The following TTLL4 variants were observed in gnomAD, a reference collection of about 807,000 sequenced individuals.
The protein encoded by TTLL4 is tubulin monoglutamylase TTLL4.
In TTLL4, 85 loss-of-function variants were observed where a neutral mutation model predicts 122.7. That is an observed-to-expected ratio of 0.69 (90% CI 0.58 to 0.83). The LOEUF is 0.83. Among genes scored for constraint, TTLL4 ranks in the 40% least tolerant of loss-of-function variants. The probability of loss-of-function intolerance (pLI) is 0.00; values close to 1 mark genes in which losing one functional copy is unlikely to be tolerated. For synonymous variants in TTLL4, 553 were observed against 563.0 expected, an observed-to-expected ratio of 0.98 and a Z score of 0.25; for missense variants, 1,363 against 1,488.6, an observed-to-expected ratio of 0.92 and a Z score of 1.39.
chr2:218,713,777 G>A (rs1464077250), intron 1 of TTLL4, among the ~76,000 whole-genome samples: 1 of 152,190 alleles, frequency 6.6e-6, no homozygotes, highest in African/African-American at 2.4e-5. Flanking sequence ...TGGAGGCAGG[G>A]AGCCAATGAG....
chr2:218,734,291 C>T (rs1208143089), intron 2 of TTLL4, among the ~76,000 whole-genome samples: 1 of 152,146 alleles, frequency 6.6e-6, no homozygotes, highest in African/African-American at 2.4e-5. Flanking sequence ...GGTGCCCAAA[C>T]TAGTATTCAA....
At chr2:218,728,046 C>G (rs1942246773) in intron 2 of TTLL4, 1 of 148,638 alleles carries the variant, frequency 6.7e-6, no homozygotes, top group African/African-American at 2.5e-5. Context: ...TTTTTCAACA[C>G]TAGATGGCAT....
At position 218,737,620 on chromosome 2, in the gene TTLL4, T is replaced by A; in HGVS notation, c.-57T>A. 1 of 1,516,886 alleles carries A rather than the reference T, an allele frequency of 6.6e-7. No homozygotes were observed. The highest frequency in any genetic ancestry group is 8.8e-7 in the Non-Finnish European group (1 of 1,131,142). The allele number at this position is 1,516,886 out of a possible 1,614,324, so 94.0% of individuals were successfully genotyped here. ...GATGCAGCTGCTACTACCGGAGGTG[T>A]GTGGCACCTTACCTCAGCAAGGCCA... On this transcript the variant is annotated 5_prime_UTR_variant, in exon 3 of 20. Coordinates refer to ENST00000392102, the MANE Select transcript of TTLL4 (RefSeq NM_014640.5).
chr2:218,737,588 C>G lies in TTLL4; in HGVS notation c.-89C>G. ...TTTCTCTCCACTTCAGACTGACAGA[C>G]TTCAAGGATGCAGCTGCTACTACCG... On this transcript the variant is annotated 5_prime_UTR_variant, in exon 3 of 20. Transcript: ENST00000392102. 1 of 1,433,528 alleles carries G rather than the reference C, an allele frequency of 7.0e-7. No individual in the cohort carries two copies. Among genetic ancestry groups the G allele is most frequent in the East Asian group, 2.3e-5 (1 of 43,630 alleles). 88.8% of individuals were successfully genotyped at this position (1,433,528 alleles called of 1,614,324 possible).
intron 1 of TTLL4, among the ~76,000 whole-genome samples, chr2:218,716,804 T>A (rs568055178): frequency 1.3e-5 from 2 of 151,770 alleles, no homozygotes; most frequent in East Asian, 3.9e-4. Context: ...AAAAAAAAAA[T>A]TTACACTGTG....
intron 5 of TTLL4, 132 bp downstream of exon 5, chr2:218,740,716 G>A (rs909195963): frequency 7.5e-6 from 8 of 1,063,704 alleles, no homozygotes; most frequent in African/African-American, 6.3e-5. Flanking sequence ...TTATGTTTGC[G>A]ACTTTAGTTT....
chr2:218,712,835 T>C (rs1014130631), intron 1 of TTLL4, among the ~76,000 whole-genome samples: 4 of 152,120 alleles, frequency 2.6e-5, no homozygotes, highest in Admixed American at 2.0e-4. Flanking sequence ...ACTTTGGAAA[T>C]ATTTATTTTC....
intron 5 of TTLL4, among the ~76,000 whole-genome samples, chr2:218,741,717 A>G (rs1386490728): frequency 6.6e-6 from 1 of 152,206 alleles, no homozygotes; most frequent in African/African-American, 2.4e-5. Flanking sequence ...GATATTGATT[A>G]AGTACCTCCA....
chr2:218,736,863 T>C (rs1359172097), intron 2 of TTLL4, among the ~76,000 whole-genome samples: 1 of 151,706 alleles, frequency 6.6e-6, no homozygotes, highest in Non-Finnish European at 1.5e-5. Flanking sequence ...TTTTTTTTTT[T>C]TTCTGAGATG....
rs61733652 is a variant in TTLL4 at position 218,737,817 on chromosome 2, G to T, written c.141G>T (p.Gln47His). The T allele has an allele frequency of 5.7e-3, 9,203 of 1,614,222 alleles. 324 individuals carry two copies. The African/African-American group carries it at 0.091, about 16-fold the overall frequency. Residue 47 changes from glutamine (Q) to histidine (H), a missense_variant, in exon 3 of 20, where the codon CAG (glutamine) becomes CAT (histidine). This residue lies in a region of TTLL4 where 760 missense variants were observed against 808.4 expected (regional missense o/e 0.94). Transcript: ENST00000392102. Reference sequence around the variant, plus strand: ...GCAGAGTCTGGCCTCAGGCCCATCAGCAAGTGAAGCCAATCTGGAAGCTGG... The same window carrying T: ...GCAGAGTCTGGCCTCAGGCCCATCATCAAGTGAAGCCAATCTGGAAGCTGG... ...SEGRVWPQAH[Q>H]QVKPIWKLEK...
chr2:218,716,208 T>C (rs1941852564), intron 1 of TTLL4, among the ~76,000 whole-genome samples: 1 of 152,228 alleles, frequency 6.6e-6, no homozygotes, highest in Non-Finnish European at 1.5e-5. Flanking sequence ...TGGCAACAAG[T>C]ACAGTCAGTT....
intron 5 of TTLL4, among the ~76,000 whole-genome samples, chr2:218,742,812 C>T (rs543468384): frequency 6.6e-6 from 1 of 152,178 alleles, no homozygotes; most frequent in East Asian, 1.9e-4. Context: ...ATGTTGTTAA[C>T]ATTGTTAGAG....
Position 218,737,973 on chromosome 2 carries a change from C to G in TTLL4, c.297C>G (p.His99Gln). Residue 99 changes from histidine (H) to glutamine (Q), a missense_variant, in exon 3 of 20, where the codon CAC becomes CAG. By Grantham distance (24) the His-to-Gln change is conservative. This residue lies in a region of TTLL4 where 760 missense variants were observed against 808.4 expected (regional missense o/e 0.94). Transcript: ENST00000392102. ...GGACCACGGCTGTCATTGCAGGCCA[C>G]AGCAGTTCCTGTTACCTACACTCTC... ...SSGTTAVIAGHSSSCYLHSLP... is the reference protein window; with the variant it reads ...SSGTTAVIAGQSSSCYLHSLP... 1 of 1,614,236 alleles carries G rather than the reference C, an allele frequency of 6.2e-7. No homozygotes were observed. Among genetic ancestry groups the G allele is most frequent in the East Asian group, 2.2e-5 (1 of 44,880 alleles).
Position 218,740,165 on chromosome 2 carries a change from A to T in TTLL4, c.1595A>T (p.Glu532Val), listed in dbSNP as rs1005632773. ...CCSRDENEEEEGDSECSSLSA... is the reference protein window; with the variant it reads ...CCSRDENEEEVGDSECSSLSA... ...AGCCGTGATGAGAATGAAGAGGAGG[A>T]GGGTGAGTAGGAAACCCTTTCACTT... The change falls in exon 4 of 20, where the codon GAG becomes GTG. Residue 532 changes from glutamate to valine, a missense_variant and splice_region_variant. Around this residue, in one of 3 missense-constraint regions of TTLL4, gnomAD observed 760 missense variants for 808.4 expected, o/e 0.94. Coordinates refer to ENST00000392102, the MANE Select transcript of TTLL4 (RefSeq NM_014640.5). 6.2e-7 allele frequency: 1 copy of T among 1,613,816 alleles called. No individual in the cohort carries two copies. Among genetic ancestry groups the T allele is most frequent in the Non-Finnish European group, 8.5e-7 (1 of 1,179,910 alleles).
At chr2:218,725,066 AT>A (rs1053532310) in intron 1 of TTLL4, among the ~76,000 whole-genome samples, 6 of 151,884 alleles carry the variant, frequency 4.0e-5, no homozygotes, top group African/African-American at 1.5e-4. Context: ...CACCCAGCTA[AT>A]TTTTATTTTT....
chr2:218,724,672 C>A (rs533073188), intron 1 of TTLL4, among the ~76,000 whole-genome samples: 1 of 152,144 alleles, frequency 6.6e-6, no homozygotes, highest in East Asian at 1.9e-4. Context: ...TATTCATAGT[C>A]CATTTACATT....
intron 1 of TTLL4, among the ~76,000 whole-genome samples, chr2:218,723,182 A>G (rs985777356): frequency 1.3e-5 from 2 of 152,212 alleles, no homozygotes; most frequent in Non-Finnish European, 2.9e-5. Context: ...TCTTTTGAAT[A>G]ACAGTGGTTA....
Position 218,746,173 on chromosome 2 carries a change from G to T in TTLL4, c.1916G>T (p.Gly639Val). ...CCCATAGGAAACGATGACTGGCTGG[G>T]CTGCTGGGGTCACCACATGAAGTCT... ...KISKRNDDWLGCWGHHMKSPS... is the reference protein window; with the variant it reads ...KISKRNDDWLVCWGHHMKSPS... Residue 639 changes from glycine (G) to valine (V), a missense_variant, in exon 8 of 20, where the codon GGC (glycine) becomes GTC (valine). Coordinates refer to ENST00000392102, the MANE Select transcript of TTLL4 (RefSeq NM_014640.5). 1 of 1,614,176 alleles carries T rather than the reference G, an allele frequency of 6.2e-7. No homozygotes were observed. The highest frequency in any genetic ancestry group is 8.5e-7 in the Non-Finnish European group (1 of 1,180,042).
rs1387048610 is a variant in TTLL4, at chr2:218,749,364, C to A, written c.2712C>A (p.Val904=). The A allele has an allele frequency of 6.2e-7, 1 of 1,614,160 alleles. No individual in the cohort carries two copies. The highest frequency in any genetic ancestry group is 8.5e-7 in the Non-Finnish European group (1 of 1,180,032). The part of the protein sequence containing the change: ...IMLDENLKPW[V]LEVNISPSLH... ...TAGACGAAAACCTCAAGCCCTGGGT[C>A]CTGGAAGTCAACATTTCCCCAAGGT... The change falls in exon 14 of 20, where the codon GTC becomes GTA. Residue 904 remains valine, a synonymous_variant. Coordinates refer to ENST00000392102, the MANE Select transcript of TTLL4 (RefSeq NM_014640.5).
Sources: allele counts gnomAD v4.1 joint callset (sites outside exome capture counted in the v4.1 genomes callset), GRCh38; gene constraint gnomAD v4.1.1; regional missense constraint gnomAD v4.1.1; transcripts MANE v1.5; gene names NCBI Gene and HGNC (gene_info 2026-07-23, HGNC 2026-07-21).